Variants in SDK1 observed in about 807,000 individuals in gnomAD.
SDK1 encodes the protein protein sidekick-1.
Under a neutral mutation model 245.5 loss-of-function variants are expected in SDK1, and 157 were observed. That is an observed-to-expected ratio of 0.64 (90% confidence interval 0.56 to 0.73). The LOEUF is 0.73. Ranked by LOEUF, SDK1 falls within the 30% of genes least tolerant of loss-of-function variation. The pLI is 0.00. For synonymous variants in SDK1, 1,647 were observed against 1,278.5 expected (o/e 1.29, Z -6.15); for missense variants, 3,583 against 3,002.3 (o/e 1.19, Z -4.52).
At chr7:4,182,547 A>T (rs1168091380) in intron 35 of SDK1, among the ~76,000 whole-genome samples, 1 of 152,210 alleles carries the variant, frequency 6.6e-6, no homozygotes, top group Non-Finnish European at 1.5e-5. Flanking sequence ...ATATGCTGAG[A>T]TGAAGGCAGG....
chr7:3,615,695 C>G (rs956764293), intron 1 of SDK1, among the ~76,000 whole-genome samples: 2 of 151,628 alleles, frequency 1.3e-5, no homozygotes, highest in Non-Finnish European at 2.9e-5. Context: ...TCCCTCACAT[C>G]CATAACCAAT....
rs575116246 is a variant in SDK1, at chr7:4,224,017, A to G, written c.5827+2653A>G. Among the ~76,000 whole-genome samples, 11 of 152,150 alleles carry G rather than the reference A, an allele frequency of 7.2e-5. No individual in the cohort carries two copies. In the South Asian group the frequency reaches 8.3e-4, roughly 11 times the overall value. On this transcript the variant is annotated intron_variant, in intron 40 of 44. Coordinates refer to ENST00000404826, the MANE Select transcript of SDK1 (RefSeq NM_152744.4). ...GGTGGCCACAGGTCACCTAAACCCA[A>G]CTCTTCATACGTCTTCCAAGGAACC...
At chr7:3,492,581 C>T (rs1045206459) in intron 1 of SDK1, among the ~76,000 whole-genome samples, 2 of 152,184 alleles carry the variant, frequency 1.3e-5, no homozygotes, top group African/African-American at 2.4e-5. Context: ...ACAGCAGTGG[C>T]GGGGCAACAA....
intron 19 of SDK1, among the ~76,000 whole-genome samples, chr7:4,064,711 G>A (rs1562753823): frequency 2.0e-5 from 3 of 152,128 alleles, no homozygotes; most frequent in Non-Finnish European, 4.4e-5. Context: ...TATATACATA[G>A]TGGAATACTA....
intron 17 of SDK1, among the ~76,000 whole-genome samples, chr7:4,041,086 C>T (rs967988482): frequency 3.9e-5 from 6 of 152,186 alleles, no homozygotes; most frequent in Admixed American, 1.3e-4. Context: ...ATCAATTGGT[C>T]CTGTGCCTGG....
At chr7:3,527,585 G>C (rs1783186466) in intron 1 of SDK1, among the ~76,000 whole-genome samples, 2 of 152,150 alleles carry the variant, frequency 1.3e-5, no homozygotes, top group African/African-American at 4.8e-5. Context: ...ATCATAGCCA[G>C]TTAGAGGGTG....
chr7:4,209,380 G>A (rs909498938), intron 37 of SDK1, among the ~76,000 whole-genome samples: 10 of 152,178 alleles, frequency 6.6e-5, no homozygotes, highest in African/African-American at 2.4e-4. Context: ...GTCTGGTAGG[G>A]GCAGCCCCAG....
chr7:4,156,317 A>G (rs1780732815), intron 30 of SDK1, among the ~76,000 whole-genome samples: 1 of 152,192 alleles, frequency 6.6e-6, no homozygotes, highest in Non-Finnish European at 1.5e-5. Context: ...GGATGCCAGG[A>G]ACAGAGGGGA....
intron 1 of SDK1, among the ~76,000 whole-genome samples, chr7:3,303,869 G>C (rs910958412): frequency 6.6e-6 from 1 of 152,190 alleles, no homozygotes; most frequent in Admixed American, 6.5e-5. Flanking sequence ...CTGATGGGAT[G>C]ATGAGTTGGT....
intron 5 of SDK1, among the ~76,000 whole-genome samples, chr7:3,843,559 T>C (rs895026812): frequency 1.3e-5 from 2 of 152,248 alleles, no homozygotes; most frequent in African/African-American, 2.4e-5. Context: ...CACACCTGAT[T>C]TTTTAATTCA....
intron 1 of SDK1, among the ~76,000 whole-genome samples, chr7:3,306,025 T>A (rs1422481287): frequency 6.6e-6 from 1 of 152,124 alleles, no homozygotes; most frequent in African/African-American, 2.4e-5. Context: ...GAACATAACT[T>A]GAGTTCATAA....
chr7:3,881,372 C>T (rs571910526), intron 5 of SDK1, among the ~76,000 whole-genome samples: 2 of 152,244 alleles, frequency 1.3e-5, no homozygotes, highest in African/African-American at 2.4e-5. Flanking sequence ...TCTGTTCCTG[C>T]GTTGGTTTTC....
At chr7:3,429,678 C>T (rs991400489) in intron 1 of SDK1, among the ~76,000 whole-genome samples, 6 of 151,260 alleles carry the variant, frequency 4.0e-5, no homozygotes, top group Admixed American at 3.3e-4. Context: ...TTTACTGCAG[C>T]TTCAGCCTCC....
At chr7:3,721,577 T>C (rs574592584) in intron 4 of SDK1, among the ~76,000 whole-genome samples, 4 of 152,238 alleles carry the variant, frequency 2.6e-5, no homozygotes, top group Non-Finnish European at 5.9e-5. Context: ...TGCACCCTTC[T>C]GACGCAAATG....
rs116047982 is a variant in SDK1, at chr7:4,150,807, G to A, written c.4625+1344G>A. 6.6e-3 allele frequency among the ~76,000 whole-genome samples: 1,001 copies of A among 152,338 alleles called. 16 individuals carry two copies. Among genetic ancestry groups the A allele is most frequent in the African/African-American group, 0.022 (900 of 41,572 alleles). On this transcript the variant is annotated intron_variant, in intron 30 of 44. Coordinates refer to ENST00000404826, the MANE Select transcript of SDK1 (RefSeq NM_152744.4). ...ACAACAGGGGGTTTCAAAGAGAAGA[G>A]AAACCTCCAAAACCCCCATCCCTGG...
At chr7:3,316,509 C>T (rs1779665831) in intron 1 of SDK1, among the ~76,000 whole-genome samples, 1 of 152,150 alleles carries the variant, frequency 6.6e-6, no homozygotes. Context: ...AGCTTATCCC[C>T]ATCATTAAGT....
At chr7:3,810,393 T>A (rs1779355956) in intron 4 of SDK1, among the ~76,000 whole-genome samples, 1 of 152,202 alleles carries the variant, frequency 6.6e-6, no homozygotes, top group Non-Finnish European at 1.5e-5. Flanking sequence ...TGGAAATGTT[T>A]CTGCCTAAAC....
At chr7:3,488,643 GA>G (rs1390033832) in intron 1 of SDK1, among the ~76,000 whole-genome samples, 1 of 152,156 alleles carries the variant, frequency 6.6e-6, no homozygotes, top group Non-Finnish European at 1.5e-5. Flanking sequence ...TTCAGGTAAT[GA>G]AAAACCAACT....
chr7:3,376,171 C>T lies in SDK1; in HGVS notation c.298+74287C>T, dbSNP rs190599034. On this transcript the variant is annotated intron_variant, in intron 1 of 44. Transcript: ENST00000404826. ...ATGATCATGCCTCTGCACTCCAGCC[C>T]GGGTGACAGAGTGAGACCCTGCCTT... is the stretch of plus-strand genomic sequence containing the variant. Among the ~76,000 whole-genome samples the T allele has an allele frequency of 2.6e-5, 4 of 151,950 alleles. No individual in the cohort carries two copies. The East Asian group carries it at 7.7e-4, about 29-fold the overall frequency.
Sources: allele counts gnomAD v4.1 joint callset (sites outside exome capture counted in the v4.1 genomes callset), GRCh38; gene constraint gnomAD v4.1.1; transcripts MANE v1.5; gene names NCBI Gene and HGNC (gene_info 2026-07-23, HGNC 2026-07-21).